Variants in SPECC1 observed in about 807,000 individuals in gnomAD.
SPECC1 encodes cytospin-B.
SPECC1 carries 62 observed loss-of-function variants against 104.1 expected under a neutral mutation model. The observed-to-expected ratio is 0.60, with a 90% confidence interval of 0.49 to 0.74. The LOEUF (loss-of-function observed/expected upper bound fraction) is 0.74. Among genes scored for constraint, SPECC1 ranks in the 30% least tolerant of loss-of-function variants. SPECC1 has a pLI of 0.00. For missense variants in SPECC1, 1,306 were observed against 1,310.5 expected (o/e 1.00, Z 0.05); for synonymous variants, 513 against 501.6 (o/e 1.02, Z -0.30).
chr17:20,098,754 C>T (rs1286998901), intron 2 of SPECC1, among the ~76,000 whole-genome samples: 1 of 152,236 alleles, frequency 6.6e-6, no homozygotes, highest in Non-Finnish European at 1.5e-5. Flanking sequence ...CCTCCTCCTC[C>T]TGCTGCCTTG....
Position 20,275,901 on chromosome 17 carries a change from T to A in SPECC1, c.2940+15607T>A, listed in dbSNP as rs191746235. Among the ~76,000 whole-genome samples, 3 of 152,296 alleles carry A rather than the reference T, an allele frequency of 2.0e-5. No individual in the cohort carries two copies. In the East Asian group the frequency reaches 5.8e-4, roughly 29 times the overall value. ...TGTGGTTTGTGTCAAAAGCTTTGAT[T>A]GCTGAGAGATTATGTTCCAGATATT... On this transcript the variant is annotated intron_variant, in intron 12 of 14. Coordinates refer to ENST00000395527, the MANE Select transcript of SPECC1 (RefSeq NM_001243439.2).
At chr17:20,036,869 A>G (rs917765253) in intron 1 of SPECC1, among the ~76,000 whole-genome samples, 4 of 152,220 alleles carry the variant, frequency 2.6e-5, no homozygotes, top group African/African-American at 7.2e-5. Flanking sequence ...GAGAGTGAAC[A>G]TCCTTGCTTT....
chr17:20,149,749 G>T (rs914050614), intron 3 of SPECC1, among the ~76,000 whole-genome samples: 1 of 152,156 alleles, frequency 6.6e-6, no homozygotes, highest in Non-Finnish European at 1.5e-5. Context: ...TGGGGACACA[G>T]GTTTAAATCC....
chr17:20,121,563 C>G (rs1047217790), intron 3 of SPECC1, among the ~76,000 whole-genome samples: 3 of 152,134 alleles, frequency 2.0e-5, no homozygotes, highest in Non-Finnish European at 2.9e-5. Flanking sequence ...TCTTGAACTC[C>G]TGGGCTCCTC....
At chr17:20,173,600 C>G (rs2034247883) in intron 3 of SPECC1, among the ~76,000 whole-genome samples, 1 of 152,202 alleles carries the variant, frequency 6.6e-6, no homozygotes. Context: ...GGCAACTTGC[C>G]TTATTGGAGA....
intron 12 of SPECC1, among the ~76,000 whole-genome samples, chr17:20,295,442 C>T (rs1460518248): frequency 1.3e-5 from 2 of 152,056 alleles, no homozygotes; most frequent in Non-Finnish European, 2.9e-5. Flanking sequence ...GGGTTGGTTC[C>T]AGGTCTTTGC....
chr17:20,067,042 T>C (rs2046382816), intron 1 of SPECC1, among the ~76,000 whole-genome samples: 2 of 151,344 alleles, frequency 1.3e-5, no homozygotes. Flanking sequence ...TGAGCCACTA[T>C]GCCCAGCCTT....
At chr17:20,159,726 AT>A (rs933372481) in intron 3 of SPECC1, among the ~76,000 whole-genome samples, 3 of 152,198 alleles carry the variant, frequency 2.0e-5, no homozygotes, top group Non-Finnish European at 2.9e-5. Context: ...AGATATGAAA[AT>A]TTCATGTCTG....
intron 3 of SPECC1, among the ~76,000 whole-genome samples, chr17:20,195,653 G>A (rs1041784535): frequency 6.6e-6 from 1 of 151,716 alleles, no homozygotes; most frequent in Non-Finnish European, 1.5e-5. Context: ...TGCCTCCCGG[G>A]TTCAAACAGT....
intron 1 of SPECC1, among the ~76,000 whole-genome samples, chr17:20,040,041 C>T (rs2045259288): frequency 6.6e-6 from 1 of 151,496 alleles, no homozygotes; most frequent in South Asian, 2.1e-4. Context: ...GTCTTGTCTT[C>T]CTGTAGAGTA....
intron 13 of SPECC1, among the ~76,000 whole-genome samples, chr17:20,297,386 G>GTA (rs2142035528): frequency 6.6e-6 from 1 of 152,300 alleles, no homozygotes; most frequent in South Asian, 2.1e-4. Flanking sequence ...CTTGGACACT[G>GTA]TATATTGCAT....
intron 14 of SPECC1, among the ~76,000 whole-genome samples, chr17:20,309,185 C>CT (rs1390428478): frequency 1.3e-5 from 2 of 152,096 alleles, no homozygotes; most frequent in Non-Finnish European, 2.9e-5. Flanking sequence ...CTTAAATTTG[C>CT]TTTTCAGTAC....
chr17:20,106,871 C>T (rs1324064446), intron 2 of SPECC1, among the ~76,000 whole-genome samples: 3 of 152,068 alleles, frequency 2.0e-5, no homozygotes, highest in African/African-American at 4.8e-5. Context: ...AAAATGTGGT[C>T]GTGGGCCAGG....
intron 1 of SPECC1, among the ~76,000 whole-genome samples, chr17:20,063,798 C>T (rs1384697527): frequency 6.7e-6 from 1 of 149,988 alleles, no homozygotes; most frequent in East Asian, 1.9e-4. Flanking sequence ...GAGAGTAGTG[C>T]TTGACCTAAG....
chr17:20,232,754 T>C (rs2038677104), intron 7 of SPECC1, among the ~76,000 whole-genome samples: 1 of 152,158 alleles, frequency 6.6e-6, no homozygotes, highest in Admixed American at 6.5e-5. Context: ...TCCACCACCT[T>C]GTACAGGTCA....
In SPECC1 at chr17:20,296,345, A is replaced by G. The variant is rs147437147; in HGVS notation, c.2941-616A>G. On this transcript the variant is annotated intron_variant, in intron 12 of 14. Coordinates refer to ENST00000395527, the MANE Select transcript of SPECC1 (RefSeq NM_001243439.2). ...CAGATGGTTGTAGATGTGTGGTATT[A>G]TTTCCGAGGGCTCTATGCTGTTCCA... 1.6e-3 allele frequency among the ~76,000 whole-genome samples: 242 copies of G among 152,220 alleles called. 2 individuals carry two copies. Among genetic ancestry groups the G allele is most frequent in the African/African-American group, 5.5e-3 (227 of 41,546 alleles).
chr17:20,194,502 A>ATTTTTTTTTTTTTTTTTTTTTTTT (rs1209589252), intron 3 of SPECC1, among the ~76,000 whole-genome samples: 3 of 86,566 alleles, frequency 3.5e-5, no homozygotes, highest in African/African-American at 5.3e-5. Flanking sequence ...AAGAGAACGA[A>ATTTTTTTTTTTTTTTTTTTTTTTT]TTTTTTTTTT....
At chr17:20,012,892 C>T (rs2043990979) in intron 1 of SPECC1, among the ~76,000 whole-genome samples, 1 of 152,100 alleles carries the variant, frequency 6.6e-6, no homozygotes, top group Non-Finnish European at 1.5e-5. Context: ...TGCTTTTTGT[C>T]TCTATGAATT....
At chr17:20,245,146 C>A (rs758694660) in intron 7 of SPECC1, among the ~76,000 whole-genome samples, 11 of 152,178 alleles carry the variant, frequency 7.2e-5, no homozygotes, top group Non-Finnish European at 1.0e-4. Context: ...ATTGCACTCT[C>A]GTTGGCTTAG....
Sources: gnomAD v4.1 joint callset for allele counts (sites outside exome capture counted in the v4.1 genomes callset) on GRCh38, gnomAD v4.1.1 for gene constraint, MANE v1.5 for transcripts, NCBI Gene and HGNC (gene_info 2026-07-23, HGNC 2026-07-21) for gene names.